CCDC61: variants seen among roughly 807,000 people sequenced by gnomAD.
CCDC61 encodes coiled-coil domain containing 61, also known as centrosomal protein CCDC61.
In CCDC61, 55 loss-of-function variants were observed where a neutral mutation model predicts 63.0. The ratio of observed to expected loss-of-function variants is 0.87; its 90% CI spans 0.70 to 1.09. CCDC61 has a LOEUF of 1.09. Among genes scored for constraint, CCDC61 ranks in the 50% least tolerant of loss-of-function variants. The pLI is 0.00. For missense variants in CCDC61, 651 were observed against 731.4 expected (o/e 0.89, Z 1.27); for synonymous variants, 270 against 317.0 (o/e 0.85, Z 1.58).
At position 46,015,134 on chromosome 19, in the gene CCDC61, C is replaced by T; in HGVS notation, c.637C>T (p.Arg213Cys). ...GGAGGCGCTGGCCGGGCGCGCGGCA[C>T]GCCAGGAGGCCGAGGCGCTGCGCGG... The part of the protein sequence containing the change: ...REEALAGRAA[R>C]QEAEALRGLV... Residue 213 changes from arginine (R) to cysteine (C), a missense_variant, in exon 6 of 14, where the codon CGC becomes TGC. Physicochemically the swap from Arg to Cys is radical, Grantham distance 180. Coordinates refer to ENST00000595358, the MANE Select transcript of CCDC61 (RefSeq NM_001267723.2). This position sits in a 1 kb window ranked among gnomAD's most constrained non-coding sequence, Gnocchi z 5.3. 1 of 1,282,404 alleles carries T rather than the reference C, an allele frequency of 7.8e-7. No homozygotes were observed. The highest frequency in any genetic ancestry group is 3.0e-4 in the Middle Eastern group (1 of 3,302). 79.4% of individuals were successfully genotyped at this position (1,282,404 alleles called of 1,614,324 possible). A position where few individuals can be genotyped will look rare whatever the true frequency, so the allele number is the denominator to read the frequency against.
At position 46,016,864 on chromosome 19, in the gene CCDC61, C is replaced by G. The variant is rs1482234360; in HGVS notation, c.1231+31C>G. 7.9e-7 allele frequency: 1 copy of G among 1,269,040 alleles called. No individual in the cohort carries two copies. The highest frequency in any genetic ancestry group is 1.0e-6 in the Non-Finnish European group (1 of 970,458). The allele number at this position is 1,269,040 out of a possible 1,614,324, so 78.6% of individuals were successfully genotyped here. ...TGGCCTGGAGCTGGGGGCTGCCGGG[C>G]TAGGCGGGACTGGGCGGGGCTGGGC... On this transcript the variant is annotated intron_variant, in intron 10 of 13. Transcript: ENST00000595358. The surrounding 1 kb of genome is among the most constrained non-coding windows in gnomAD (Gnocchi z 7.2).
Position 46,016,488 on chromosome 19 carries a change from T to C in CCDC61, c.1091+95T>C. On this transcript the variant is annotated intron_variant, in intron 9 of 13. Transcript: ENST00000595358. This position sits in a 1 kb window ranked among gnomAD's most constrained non-coding sequence, Gnocchi z 7.2. ...CACGCCACCATCAGTCTCCATCCCC[T>C]GCCACCTGCTCGCTTCTCGCCGGAT... is the stretch of plus-strand genomic sequence containing the variant. The C allele has an allele frequency of 6.8e-7, 1 of 1,469,234 alleles. No individual in the cohort carries two copies. The highest frequency in any genetic ancestry group is 9.4e-7 in the Non-Finnish European group (1 of 1,064,800). 91.0% of individuals were successfully genotyped at this position (1,469,234 alleles called of 1,614,324 possible).
intron 5 of CCDC61, 76 bp from the exon 6 acceptor site, chr19:46,014,973 A>G: frequency 2.4e-6 from 3 of 1,264,058 alleles, no homozygotes; most frequent in Admixed American, 2.5e-5. Context: ...TGAAATGATG[A>G]GGCGTCCCAC....
chr19:46,003,412 C>A lies in CCDC61; in HGVS notation c.149-7C>A, dbSNP rs368010716. ...AGACCTCAGGAGAGACTTTTCTCCC[C>A]ACCCAGTCATTGAAGATTTGACTCA... On this transcript the variant is annotated splice_polypyrimidine_tract_variant and splice_region_variant and intron_variant, in intron 2 of 13. Transcript: ENST00000595358. 1.6e-5 allele frequency: 25 copies of A among 1,612,690 alleles called. No individual in the cohort carries two copies. Among genetic ancestry groups the A allele is most frequent in the Non-Finnish European group, 2.1e-5 (25 of 1,179,134 alleles).
At position 46,016,152 on chromosome 19, in the gene CCDC61, C is replaced by G. The variant is rs1968928530; in HGVS notation, c.944C>G (p.Ser315Cys). 1 of 1,261,156 alleles carries G rather than the reference C, an allele frequency of 7.9e-7. No homozygotes were observed. The allele number at this position is 1,261,156 out of a possible 1,614,324, so 78.1% of individuals were successfully genotyped here. The change falls in exon 8 of 14, where the codon TCC becomes TGC. Residue 315 changes from serine (S) to cysteine (C), a missense_variant. By Grantham distance (112) the Ser-to-Cys change is moderately radical. Transcript: ENST00000595358. The surrounding 1 kb of genome is among the most constrained non-coding windows in gnomAD (Gnocchi z 7.2). Reference protein sequence around the residue: ...SASRGRGAARSSSRESGRGSR... With the variant: ...SASRGRGAARCSSRESGRGSR... ...TCGCGAGGCCGCGGCGCCGCGCGCT[C>G]CTCATCCCGGGAGAGCGGCCGCGGG...
Position 46,016,935 on chromosome 19 carries a change from GA to G in CCDC61, c.1232-54del. The G allele has an allele frequency of 6.4e-7, 1 of 1,551,302 alleles. No individual in the cohort carries two copies. Among genetic ancestry groups the G allele is most frequent in the Non-Finnish European group, 8.7e-7 (1 of 1,147,908 alleles). ...GGGCGGGCGGGCTGGGAGGGCCTGG[GA>G]AGCACTGGGCGGGGCCAGCGAGGGC... On this transcript the variant is annotated intron_variant, in intron 10 of 13. Transcript: ENST00000595358. This position sits in a 1 kb window ranked among gnomAD's most constrained non-coding sequence, Gnocchi z 7.2.
intron 5 of CCDC61, among the ~76,000 whole-genome samples, chr19:46,011,964 G>A (rs886447084): frequency 3.9e-5 from 6 of 152,084 alleles, no homozygotes; most frequent in Non-Finnish European, 5.9e-5. Context: ...CACCACACCC[G>A]GCTGATTTTT....
chr19:46,005,108 T>TC (rs1968679626), intron 3 of CCDC61, among the ~76,000 whole-genome samples: 1 of 152,098 alleles, frequency 6.6e-6, no homozygotes, highest in Non-Finnish European at 1.5e-5. Context: ...CCTCCCGATT[T>TC]CAAGCAATTC....
chr19:46,001,205 C>T (rs888195357), intron 1 of CCDC61, among the ~76,000 whole-genome samples: 1 of 152,048 alleles, frequency 6.6e-6, no homozygotes, highest in Non-Finnish European at 1.5e-5. Context: ...TTGTTTGCAG[C>T]AAGATCGAGA....
At chr19:46,006,456 C>A in intron 3 of CCDC61, 103 bp from the exon 4 acceptor site, 2 of 1,186,304 alleles carry the variant, frequency 1.7e-6, no homozygotes, top group Non-Finnish European at 2.3e-6. Flanking sequence ...GAAAGCCTAG[C>A]CCGCCTAGAG....
intron 2 of CCDC61, 75 bp from the exon 3 acceptor site, chr19:46,003,344 T>A (rs985994372): frequency 6.7e-7 from 1 of 1,485,226 alleles, no homozygotes; most frequent in Non-Finnish European, 9.3e-7. Flanking sequence ...TCGGGTAGAA[T>A]TGCAGAGCTT....
At chr19:46,008,511 C>T (rs938203388) in intron 5 of CCDC61, among the ~76,000 whole-genome samples, 6 of 152,116 alleles carry the variant, frequency 3.9e-5, no homozygotes, top group Non-Finnish European at 8.8e-5. Context: ...CGGGTTCAAG[C>T]GATTCTCCTG....
chr19:46,005,461 C>T (rs1968688389), intron 3 of CCDC61, among the ~76,000 whole-genome samples: 1 of 152,052 alleles, frequency 6.6e-6, no homozygotes, highest in Non-Finnish European at 1.5e-5. Context: ...TAACATCATG[C>T]ATTGGTCATT....
At chr19:45,999,633 GC>G (rs2146452005) in intron 1 of CCDC61, among the ~76,000 whole-genome samples, 1 of 152,218 alleles carries the variant, frequency 6.6e-6, no homozygotes, top group African/African-American at 2.4e-5. Context: ...TTCAGCTCCG[GC>G]CCCGGGGTAA....
rs1968625447 is a variant in CCDC61, at chr19:46,003,157, G to A, written c.139G>A (p.Asp47Asn). The change falls in exon 2 of 14, where the codon GAT (aspartate) becomes AAT (asparagine). Residue 47 changes from aspartate to asparagine, a missense_variant. By Grantham distance (23) the Asp-to-Asn change is conservative (BLOSUM62 1). Transcript: ENST00000595358. ...GGCTGACCAGTGGCGGGGCGAGTTC[G>A]ATGCTGGCTGTGAGTGTGCCTGCCT... ...MTADQWRGEF[D>N]AGFIEDLTHK... 4 of 1,607,936 alleles carry A rather than the reference G, an allele frequency of 2.5e-6. No homozygotes were observed. The highest frequency in any genetic ancestry group is 1.7e-6 in the Non-Finnish European group (2 of 1,176,930).
At chr19:46,011,183 G>A (rs56226024) in intron 5 of CCDC61, among the ~76,000 whole-genome samples, 43,618 of 151,532 alleles carry the variant, frequency 0.29, 6,539 homozygotes, top group African/African-American at 0.35. Flanking sequence ...TGAGTAGCTG[G>A]GACTACAGGC....
Position 46,006,158 on chromosome 19 carries a change from C to T in CCDC61, c.232-401C>T, listed in dbSNP as rs535651882. Among the ~76,000 whole-genome samples the T allele has an allele frequency of 3.3e-5, 5 of 152,296 alleles. No individual in the cohort carries two copies. The East Asian group carries it at 9.6e-4, about 29-fold the overall frequency. On this transcript the variant is annotated intron_variant, in intron 3 of 13. Transcript: ENST00000595358. ...GCCAGGGGCTTGATTTCTCCTAAGG[C>T]ACCAGCAGTTTTTCCCACCATTGCT...
chr19:46,016,098 G>C lies in CCDC61; in HGVS notation c.890G>C (p.Arg297Pro), dbSNP rs920507206. Residue 297 changes from arginine (R) to proline (P), a missense_variant, in exon 8 of 14, where the codon CGG becomes CCG. Arg to Pro is a moderately radical substitution (Grantham distance 103). Coordinates refer to ENST00000595358, the MANE Select transcript of CCDC61 (RefSeq NM_001267723.2). The surrounding 1 kb of genome is among the most constrained non-coding windows in gnomAD (Gnocchi z 7.2). The stretch of plus-strand genomic sequence containing the variant: ...CAGCCGCCCCCGACGCGGGAGGACC[G>C]GGCCTCATCGTCCCGGGAGCGCTCC... Reference protein sequence around the residue: ...PVQPPPTREDRASSSRERSAS... With the variant: ...PVQPPPTREDPASSSRERSAS... 42 of 1,237,172 alleles carry C rather than the reference G, an allele frequency of 3.4e-5. No individual in the cohort carries two copies. Among genetic ancestry groups the C allele is most frequent in the Non-Finnish European group, 4.1e-5 (41 of 992,092 alleles). 76.6% of individuals were successfully genotyped at this position (1,237,172 alleles called of 1,614,324 possible).
chr19:46,017,216 C>CCA lies in CCDC61; in HGVS notation c.1311-29_1311-28dup, dbSNP rs1968961859. ...GGTGGGAAGTACCAGAGCCTCCCCA[C>CCA]CACTGGTCCTTGGTTACTCCTTTTT... On this transcript the variant is annotated intron_variant, in intron 11 of 13. Coordinates refer to ENST00000595358, the MANE Select transcript of CCDC61 (RefSeq NM_001267723.2). The CCA allele has an allele frequency of 5.1e-6, 8 of 1,554,592 alleles. No individual in the cohort carries two copies. The East Asian group carries it at 1.9e-4, about 38-fold the overall frequency.
Sources: gnomAD v4.1 joint callset for allele counts (sites outside exome capture counted in the v4.1 genomes callset) on GRCh38, gnomAD v4.1.1 for gene constraint, Gnocchi (gnomAD v3.1) non-coding constraint, MANE v1.5 for transcripts, NCBI Gene and HGNC (gene_info 2026-07-23, HGNC 2026-07-21) for gene names.